The following CTBP2 variants were observed in gnomAD, a reference collection of about 807,000 sequenced individuals.
CTBP2 encodes C-terminal-binding protein 2.
A neutral mutation model predicts 80.3 loss-of-function variants in CTBP2; 30 were observed. That is an observed-to-expected ratio of 0.37 (90% confidence interval 0.28 to 0.51). CTBP2 has a LOEUF of 0.51. Among genes scored for constraint, CTBP2 ranks in the 20% least tolerant of loss-of-function variants. The probability of loss-of-function intolerance (pLI) is 0.93; values close to 1 mark genes in which losing one functional copy is unlikely to be tolerated. For synonymous variants in CTBP2, 594 were observed against 587.4 expected, an observed-to-expected ratio of 1.01 and a Z score of -0.16; for missense variants, 1,212 against 1,375.3, an observed-to-expected ratio of 0.88 and a Z score of 1.88.
At chr10:125,152,092 G>T (rs1269584661) in intron 1 of CTBP2, among the ~76,000 whole-genome samples, 1 of 152,142 alleles carries the variant, frequency 6.6e-6, no homozygotes, top group East Asian at 1.9e-4. Flanking sequence ...GGGGGGAAGA[G>T]GGCACAGCTG....
At chr10:125,006,930 C>G (rs79455145) in intron 1 of CTBP2, among the ~76,000 whole-genome samples, 3 of 152,328 alleles carry the variant, frequency 2.0e-5, no homozygotes, top group East Asian at 1.9e-4. Flanking sequence ...TGCGTACAGA[C>G]CACAAGGCTG....
chr10:125,085,574 C>T (rs570876955), intron 2 of CTBP2, among the ~76,000 whole-genome samples: 3 of 152,210 alleles, frequency 2.0e-5, no homozygotes, highest in African/African-American at 4.8e-5. Flanking sequence ...CCTTCAGAAA[C>T]GAGGGCGAAG....
upstream of CTBP2, among the ~76,000 whole-genome samples, chr10:125,031,162 C>G (rs560399660): frequency 6.6e-6 from 1 of 152,234 alleles, no homozygotes; most frequent in Non-Finnish European, 1.5e-5. Flanking sequence ...CTGCTTCTGT[C>G]AAGTTAAGTG....
At chr10:125,022,084 C>T (rs4962420) in intron 1 of CTBP2, among the ~76,000 whole-genome samples, 40,763 of 152,212 alleles carry the variant, frequency 0.27, 5,596 homozygotes, top group African/African-American at 0.31. Flanking sequence ...CCCTTGCACA[C>T]GACAGCTCAC....
chr10:125,039,061 T>A, exon 3 of CTBP2: 1 of 1,611,726 alleles, frequency 6.2e-7, no homozygotes, highest in Non-Finnish European at 8.5e-7. Flanking sequence ...CCATTCTTTA[T>A]GGAACTTTGC....
intron 2 of CTBP2, among the ~76,000 whole-genome samples, chr10:125,093,142 C>G (rs35145201): frequency 6.6e-6 from 1 of 152,212 alleles, no homozygotes; most frequent in East Asian, 1.9e-4. Context: ...CTGTTTCCTT[C>G]GTCAGATCCA....
At chr10:125,004,225 T>C (rs1954929167) in intron 1 of CTBP2, among the ~76,000 whole-genome samples, 1 of 152,128 alleles carries the variant, frequency 6.6e-6, no homozygotes, top group African/African-American at 2.4e-5. Flanking sequence ...AGCAACTTCA[T>C]CTGGACCAGC....
At position 125,066,049 on chromosome 10, in the gene CTBP2, C is replaced by T. The variant is rs1272661429; in HGVS notation, c.-101-26894G>A. ...CCAGAAGGCAGAGGTTACAGTGAGC[C>T]CTGATTGTGCCATGGCACTCTAGCC... On this transcript the variant is annotated intron_variant, in intron 2 of 10. Transcript: ENST00000337195. The surrounding 1 kb of genome is among the most constrained non-coding windows in gnomAD (Gnocchi z 4.1). Among the ~76,000 whole-genome samples the T allele has an allele frequency of 1.3e-5, 2 of 150,394 alleles. No homozygotes were observed. The highest frequency in any genetic ancestry group is 6.6e-5 in the Admixed American group (1 of 15,134).
At chr10:125,131,701 T>C (rs1856219587) in intron 1 of CTBP2, among the ~76,000 whole-genome samples, 1 of 152,152 alleles carries the variant, frequency 6.6e-6, no homozygotes, top group African/African-American at 2.4e-5. Context: ...AACATCAGGC[T>C]CATGTTCCTA....
intron 2 of CTBP2, among the ~76,000 whole-genome samples, chr10:125,087,849 C>T (rs1244441537): frequency 6.6e-6 from 1 of 152,208 alleles, no homozygotes; most frequent in Non-Finnish European, 1.5e-5. Flanking sequence ...TCTTGATTTA[C>T]AAGAACTGTG....
At chr10:125,128,789 T>C (rs552013193) in intron 1 of CTBP2, among the ~76,000 whole-genome samples, 2 of 152,346 alleles carry the variant, frequency 1.3e-5, no homozygotes, top group South Asian at 4.1e-4. Flanking sequence ...AGCAATTCCA[T>C]TTCTAGGAAC....
chr10:124,984,715 C>T lies in CTBP2; in HGVS notation c.*4803G>A. 6.5e-7 allele frequency: 1 copy of T among 1,540,414 alleles called. No homozygotes were observed. The highest frequency in any genetic ancestry group is 8.8e-7 in the Non-Finnish European group (1 of 1,131,650). ...CAGCTGTAGGTTTCCATGTCACATTCCTACCAAGTCTCTGATCTGTTGTAT... is the reference window on the plus strand; with the variant it reads ...CAGCTGTAGGTTTCCATGTCACATTTCTACCAAGTCTCTGATCTGTTGTAT... On this transcript the variant is annotated 3_prime_UTR_variant, in exon 9 of 9. Transcript: ENST00000309035.
intron 8 of CTBP2, 113 bp downstream of exon 10, chr10:124,992,582 G>T: frequency 1.5e-6 from 1 of 670,430 alleles, no homozygotes; most frequent in Non-Finnish European, 2.6e-6. Flanking sequence ...TGATTGTTCT[G>T]ACCCTGACTT....
At chr10:124,994,861 C>A (rs1953248782) in intron 4 of CTBP2, among the ~76,000 whole-genome samples, 178 bp from the exon 7 acceptor site, 1 of 152,270 alleles carries the variant, frequency 6.6e-6, no homozygotes, top group African/African-American at 2.4e-5. Context: ...GAGGGGCCAC[C>A]ATGGCCGGTG....
chr10:125,051,460 CA>C (rs1297277953), intron 2 of CTBP2, among the ~76,000 whole-genome samples: 1 of 152,104 alleles, frequency 6.6e-6, no homozygotes, highest in Non-Finnish European at 1.5e-5. Context: ...GCCAACATGG[CA>C]AAACCCCATC....
At chr10:125,086,435 C>T (rs117076139) in intron 2 of CTBP2, among the ~76,000 whole-genome samples, 3,714 of 151,824 alleles carry the variant, frequency 0.024, 95 homozygotes, top group Non-Finnish European at 0.032. Context: ...CTCAGCTACC[C>T]GGGAGACTGA....
intron 1 of CTBP2, among the ~76,000 whole-genome samples, chr10:125,127,825 T>C (rs1197588024): frequency 6.6e-6 from 1 of 152,220 alleles, no homozygotes; most frequent in Non-Finnish European, 1.5e-5. Flanking sequence ...AGTTATCTGT[T>C]ACAGCAACTG....
At chr10:125,086,492 G>C (rs1021557798) in intron 2 of CTBP2, among the ~76,000 whole-genome samples, 1 of 151,862 alleles carries the variant, frequency 6.6e-6, no homozygotes, top group Non-Finnish European at 1.5e-5. Flanking sequence ...GTAATCGGCT[G>C]TAATCCCAGC....
chr10:125,124,377 G>A (rs569185280), intron 1 of CTBP2, among the ~76,000 whole-genome samples: 3 of 152,308 alleles, frequency 2.0e-5, no homozygotes, highest in South Asian at 2.1e-4. Flanking sequence ...AACTGCAGGA[G>A]CGTCTTTGCT....
Sources: gnomAD v4.1 joint callset for allele counts (sites outside exome capture counted in the v4.1 genomes callset) on GRCh38, gnomAD v4.1.1 for gene constraint, Gnocchi (gnomAD v3.1) non-coding constraint, MANE v1.5 for transcripts, NCBI Gene and HGNC (gene_info 2026-07-23, HGNC 2026-07-21) for gene names.